Variants in NCOR1 observed in about 807,000 individuals in gnomAD.
NCOR1 encodes the protein nuclear receptor corepressor 1, also known as protein phosphatase 1, regulatory subunit 109.
In NCOR1, 63 loss-of-function variants were observed where a neutral mutation model predicts 288.1. The ratio of observed to expected loss-of-function variants is 0.22; its 90% CI spans 0.18 to 0.27. The LOEUF (loss-of-function observed/expected upper bound fraction) is 0.27. NCOR1 is among the 10% of genes least tolerant of loss of function. The pLI is 1.00. For missense variants in NCOR1, 2,397 were observed against 3,019.2 expected (o/e 0.79, Z 4.83); for synonymous variants, 1,007 against 1,065.9 (o/e 0.94, Z 1.08).
chr17:16,044,572 G>A (rs777706208), intron 42 of NCOR1: 13 of 521,224 alleles, frequency 2.5e-5, no homozygotes, highest in East Asian at 5.4e-5. Context: ...CACTTCATCC[G>A]GCAACTACCA....
intron 18 of NCOR1, 25 bp downstream of exon 18, chr17:16,117,863 A>G: frequency 1.2e-6 from 2 of 1,605,368 alleles, no homozygotes; most frequent in Non-Finnish European, 1.7e-6. Context: ...CAGTAAGTAA[A>G]GAGTCACCAC....
intron 31 of NCOR1, chr17:16,068,344 T>C: frequency 5.8e-6 from 3 of 518,130 alleles, no homozygotes; most frequent in South Asian, 2.2e-5. Context: ...TGTCACCTTT[T>C]GGATCATAGC....
At chr17:16,077,471 A>G (rs1598279734) in intron 26 of NCOR1, among the ~76,000 whole-genome samples, 1 of 16,146 alleles carries the variant, frequency 6.2e-5, no homozygotes, top group Non-Finnish European at 1.5e-4. Flanking sequence ...AGGGGAGGAG[A>G]GGGGAGGAGA....
intron 14 of NCOR1, among the ~76,000 whole-genome samples, chr17:16,127,311 A>ATATATGTATGTATGTATATATACG (rs796884412): frequency 2.9e-5 from 1 of 34,382 alleles, no homozygotes; most frequent in Non-Finnish European, 7.2e-5. Context: ...GTATATATAC[A>ATATATGTATGTATGTATATATACG]TGTATGTATA....
At chr17:16,191,736 C>G (rs1263763409) in intron 2 of NCOR1, 1 of 152,098 alleles carries the variant, frequency 6.6e-6, no homozygotes, top group Admixed American at 6.6e-5. Flanking sequence ...ACAATGGCCC[C>G]AAACTGCTCA....
chr17:16,189,416 T>TA (rs1378198241), intron 2 of NCOR1, among the ~76,000 whole-genome samples: 1 of 151,926 alleles, frequency 6.6e-6, no homozygotes, highest in Non-Finnish European at 1.5e-5. Context: ...AAAAATTTAT[T>TA]AAAGAATCAA....
chr17:16,171,685 A>G (rs1568464634), intron 4 of NCOR1, 118 bp downstream of exon 4: 1 of 933,452 alleles, frequency 1.1e-6, no homozygotes, highest in African/African-American at 1.7e-5. Context: ...TTACTTTCCC[A>G]TACCACTAAC....
intron 8 of NCOR1, among the ~76,000 whole-genome samples, chr17:16,150,901 C>A (rs1392541133): frequency 6.6e-6 from 1 of 151,964 alleles, no homozygotes; most frequent in Non-Finnish European, 1.5e-5. Flanking sequence ...TATTATGAAC[C>A]ACTTACTTAA....
intron 3 of NCOR1, among the ~76,000 whole-genome samples, chr17:16,183,306 T>C (rs1600124369): frequency 2.1e-5 from 3 of 144,296 alleles, no homozygotes; most frequent in East Asian, 2.0e-4. Flanking sequence ...AGTAAAAATA[T>C]CTTTATTTGC....
intron 20 of NCOR1, among the ~76,000 whole-genome samples, chr17:16,099,884 A>C (rs1266930928): frequency 6.6e-6 from 1 of 152,204 alleles, no homozygotes; most frequent in Non-Finnish European, 1.5e-5. Flanking sequence ...CTACTATATA[A>C]AACACTCTGA....
At chr17:16,137,528 A>G in intron 13 of NCOR1, 116 bp from the exon 14 acceptor site, 1 of 562,036 alleles carries the variant, frequency 1.8e-6, no homozygotes, top group Non-Finnish European at 3.0e-6. Context: ...AAAGAAAAAG[A>G]ACAACATACA....
chr17:16,179,640 C>G (rs1600051905), intron 3 of NCOR1, among the ~76,000 whole-genome samples: 1 of 152,318 alleles, frequency 6.6e-6, no homozygotes, highest in Middle Eastern at 3.4e-3. Context: ...AACTCAAAGG[C>G]ATTTAAGTTG....
At chr17:16,089,647 A>G (rs1036483485) in intron 22 of NCOR1, among the ~76,000 whole-genome samples, 4 of 152,156 alleles carry the variant, frequency 2.6e-5, no homozygotes, top group African/African-American at 9.6e-5. Context: ...GGACTGTACC[A>G]ATATTTGGTG....
intron 3 of NCOR1, among the ~76,000 whole-genome samples, chr17:16,181,207 A>ATG (rs1422388328): frequency 4.9e-4 from 42 of 85,812 alleles, no homozygotes; most frequent in South Asian, 3.0e-3. Context: ...ATACATATAT[A>ATG]TGTATGTGTG....
intron 8 of NCOR1, among the ~76,000 whole-genome samples, chr17:16,150,735 C>G (rs1027866591): frequency 2.6e-5 from 4 of 151,226 alleles, no homozygotes; most frequent in Admixed American, 6.6e-5. Flanking sequence ...AAGTAGCCAA[C>G]TAGATCTTAT....
chr17:16,171,927 A>T lies in NCOR1; in HGVS notation c.311T>A (p.Leu104Gln). Residue 104 changes from leucine to glutamine, a missense_variant, in exon 4 of 46, where the codon CTG becomes CAG. Physicochemically the swap from Leu to Gln is moderately radical, Grantham distance 113. Coordinates refer to ENST00000268712, the MANE Select transcript of NCOR1 (RefSeq NM_006311.4). ...TTCCAGACGTGGTCGCTTCGATTCC[A>T]GTGAATCATGATCCACTGGGGATGG... ...PGPSPVDHDS[L>Q]ESKRPRLEQV... 6.2e-7 allele frequency: 1 copy of T among 1,612,598 alleles called. No individual in the cohort carries two copies. The highest frequency in any genetic ancestry group is 8.5e-7 in the Non-Finnish European group (1 of 1,179,304).
At chr17:16,190,493 C>T (rs2087948129) in intron 2 of NCOR1, among the ~76,000 whole-genome samples, 2 of 151,844 alleles carry the variant, frequency 1.3e-5, no homozygotes, top group Admixed American at 1.3e-4. Context: ...CAACACCACA[C>T]CCAGCTATTT....
In NCOR1 at chr17:16,034,718, GATATTATTGCTCTGTCTCATTT is replaced by G. The variant is rs756728694; in HGVS notation, c.7135+25_7135+46del. ...TTGAAGAACTAATAACCAAGACATTGATATTATTGCTCTGTCTCATTTTCTAAGTTAAAGCAGAATCCTTACC... is the reference window on the plus strand; with the variant it reads ...TTGAAGAACTAATAACCAAGACATTGTCTAAGTTAAAGCAGAATCCTTACC... On this transcript the variant is annotated intron_variant, in intron 45 of 45. Coordinates refer to ENST00000268712, the MANE Select transcript of NCOR1 (RefSeq NM_006311.4). 4.7e-6 allele frequency: 7 copies of G among 1,486,914 alleles called. No individual in the cohort carries two copies. In the African/African-American group the frequency reaches 9.8e-5, roughly 21 times the overall value. 92.1% of individuals were successfully genotyped at this position (1,486,914 alleles called of 1,614,324 possible).
At chr17:16,075,385 A>G (rs1433360656) in intron 27 of NCOR1, 149 bp downstream of exon 27, 2 of 798,992 alleles carry the variant, frequency 2.5e-6, no homozygotes, top group African/African-American at 1.7e-5. Flanking sequence ...TTCTCATGAG[A>G]CAAGTATTAC....
Sources: gnomAD v4.1 joint callset for allele counts (sites outside exome capture counted in the v4.1 genomes callset) on GRCh38, gnomAD v4.1.1 for gene constraint, MANE v1.5 for transcripts, NCBI Gene and HGNC (gene_info 2026-07-23, HGNC 2026-07-21) for gene names.